CCDC146: variants seen among roughly 807,000 people sequenced by gnomAD.
CCDC146 encodes coiled-coil domain containing 146, also known as coiled-coil domain-containing protein 146.
CCDC146 carries 92 observed loss-of-function variants against 119.3 expected under a neutral mutation model. The observed-to-expected ratio is 0.77, with a 90% CI of 0.65 to 0.92. CCDC146 has a LOEUF of 0.92. Ranked by LOEUF, CCDC146 falls within the 40% of genes least tolerant of loss-of-function variation. The probability of loss-of-function intolerance (pLI) is 0.00; values close to 1 mark genes in which losing one functional copy is unlikely to be tolerated. For missense variants in CCDC146, 1,000 were observed against 1,103.0 expected (o/e 0.91, Z 1.32); for synonymous variants, 372 against 371.8 (o/e 1.00, Z -0.01).
chr7:77,190,291 A>C (rs1791739103), intron 2 of CCDC146, among the ~76,000 whole-genome samples: 1 of 152,238 alleles, frequency 6.6e-6, no homozygotes, highest in Non-Finnish European at 1.5e-5. Flanking sequence ...ATTTCTGGTA[A>C]ATATACCTAT....
At chr7:77,189,895 A>G (rs1290609205) in intron 2 of CCDC146, among the ~76,000 whole-genome samples, 4 of 152,090 alleles carry the variant, frequency 2.6e-5, no homozygotes, top group Admixed American at 6.6e-5. Flanking sequence ...TCTATATGAA[A>G]CAGCACCCCC....
At chr7:77,176,330 CA>C (rs1791499291) in intron 2 of CCDC146, among the ~76,000 whole-genome samples, 1 of 151,086 alleles carries the variant, frequency 6.6e-6, no homozygotes, top group African/African-American at 2.5e-5. Flanking sequence ...AGAGACTGCA[CA>C]GTGGCATTGG....
intron 3 of CCDC146, 52 bp downstream of exon 3, chr7:77,237,081 C>A: frequency 7.1e-7 from 1 of 1,413,140 alleles, no homozygotes; most frequent in Non-Finnish European, 1.0e-6. Context: ...AAATTTCTTA[C>A]TGGTGATGAG....
intron 7 of CCDC146, 123 bp downstream of exon 7, chr7:77,259,191 G>T: frequency 1.7e-6 from 1 of 598,194 alleles, no homozygotes; most frequent in Non-Finnish European, 2.9e-6. Context: ...TTCTGCTTTG[G>T]GCCCTGTCTA....
intron 1 of CCDC146, among the ~76,000 whole-genome samples, chr7:77,127,656 T>C (rs1790707907): frequency 6.6e-6 from 1 of 152,148 alleles, no homozygotes; most frequent in Non-Finnish European, 1.5e-5. Flanking sequence ...ATATTGTTAA[T>C]ATGGTTTAGT....
chr7:77,279,417 A>C (rs2150545440), intron 13 of CCDC146, among the ~76,000 whole-genome samples: 1 of 152,320 alleles, frequency 6.6e-6, no homozygotes, highest in Non-Finnish European at 1.5e-5. Context: ...TGAATGAAAA[A>C]CCATAACATA....
At chr7:77,133,170 CAA>C (rs1042312361) in intron 1 of CCDC146, among the ~76,000 whole-genome samples, 1 of 144,006 alleles carries the variant, frequency 6.9e-6, no homozygotes, top group Non-Finnish European at 1.5e-5. Context: ...GACTCCATCT[CAA>C]AAAAAAAAAA....
At chr7:77,148,107 T>C (rs1791051603) in intron 1 of CCDC146, among the ~76,000 whole-genome samples, 1 of 152,206 alleles carries the variant, frequency 6.6e-6, no homozygotes, top group Admixed American at 6.5e-5. Flanking sequence ...GCCTCAGCAA[T>C]GGCAGGCGCC....
chr7:77,199,697 C>T (rs754723672), intron 2 of CCDC146: 6 of 1,614,170 alleles, frequency 3.7e-6, no homozygotes, highest in South Asian at 1.1e-5. Flanking sequence ...TTTGCTCTTT[C>T]ATCTTTAATT....
intron 1 of CCDC146, among the ~76,000 whole-genome samples, chr7:77,149,983 G>A (rs1791086573): frequency 6.6e-6 from 1 of 151,106 alleles, no homozygotes; most frequent in Non-Finnish European, 1.5e-5. Flanking sequence ...CAAATGGCGG[G>A]AATAATTGTA....
intron 2 of CCDC146, chr7:77,198,110 CA>C (rs751227632): frequency 7.6e-5 from 75 of 985,030 alleles, no homozygotes; most frequent in South Asian, 4.7e-5. Context: ...AATGTATACC[CA>C]CTGATGTCAC....
At chr7:77,220,834 G>A (rs1401905473) in intron 2 of CCDC146, among the ~76,000 whole-genome samples, 1 of 152,148 alleles carries the variant, frequency 6.6e-6, no homozygotes, top group Non-Finnish European at 1.5e-5. Context: ...GTTGGAGGCG[G>A]ATCACATTGA....
chr7:77,277,349 A>G (rs1481762337), intron 11 of CCDC146, among the ~76,000 whole-genome samples: 2 of 152,260 alleles, frequency 1.3e-5, no homozygotes, highest in African/African-American at 4.8e-5. Flanking sequence ...ATATACATGT[A>G]TATCTATGTG....
chr7:77,276,800 GTC>G (rs1793651966), intron 11 of CCDC146, among the ~76,000 whole-genome samples: 1 of 152,200 alleles, frequency 6.6e-6, no homozygotes, highest in South Asian at 2.1e-4. Flanking sequence ...GCCAGGAGCG[GTC>G]TCTCACGCCT....
chr7:77,203,002 G>A (rs1018681284), intron 2 of CCDC146, among the ~76,000 whole-genome samples: 1 of 147,314 alleles, frequency 6.8e-6, no homozygotes, highest in Non-Finnish European at 1.5e-5. Context: ...AGCCACTAAA[G>A]GTTTTTGAGC....
chr7:77,278,881 GA>G (rs1424418952), intron 12 of CCDC146, 41 bp downstream of exon 12: 2 of 1,595,114 alleles, frequency 1.3e-6, no homozygotes, highest in Admixed American at 1.7e-5. Context: ...TAGGTGAGGG[GA>G]AAAAAACCTG....
chr7:77,193,646 T>A (rs1791810922), intron 2 of CCDC146: 1 of 152,188 alleles, frequency 6.6e-6, no homozygotes, highest in African/African-American at 2.4e-5. Context: ...AACAGATGTG[T>A]CATTAATTCA....
chr7:77,223,261 C>T (rs150683723), intron 2 of CCDC146, among the ~76,000 whole-genome samples: 390 of 152,312 alleles, frequency 2.6e-3, no homozygotes, highest in African/African-American at 9.0e-3. Context: ...AAGGGAATGA[C>T]ACTTATTGGC....
At chr7:77,232,067 T>C (rs780031020) in intron 2 of CCDC146, among the ~76,000 whole-genome samples, 199 of 152,316 alleles carry the variant, frequency 1.3e-3, no homozygotes, top group Non-Finnish European at 2.4e-3. Flanking sequence ...AGTATATTTT[T>C]CCCCCGCAGT....
Sources: gnomAD v4.1 joint callset for allele counts (sites outside exome capture counted in the v4.1 genomes callset) on GRCh38, gnomAD v4.1.1 for gene constraint, MANE v1.5 for transcripts, NCBI Gene and HGNC (gene_info 2026-07-23, HGNC 2026-07-21) for gene names.